The following STAB2 variants were observed in gnomAD, a reference collection of about 807,000 sequenced individuals.
The protein encoded by STAB2 is stabilin-2.
Under a neutral mutation model 338.1 loss-of-function variants are expected in STAB2, and 288 were observed. That is an observed-to-expected ratio of 0.85 (90% CI 0.77 to 0.94). The LOEUF is 0.94. STAB2 is among the 40% of genes least tolerant of loss of function. The pLI is 0.00. For missense variants in STAB2, 3,141 were observed against 3,210.1 expected, an observed-to-expected ratio of 0.98 and a Z score of 0.52; for synonymous variants, 1,202 against 1,193.3, an observed-to-expected ratio of 1.01 and a Z score of -0.15.
chr12:103,638,110 C>A lies in STAB2; in HGVS notation c.804C>A (p.Tyr268Ter). Reference sequence around the variant, plus strand: ...ACAGTTGTACATGCCAAGAAGGCTACCGTGGGGATGGCCAAGTGTGCTTGC... The same window carrying A: ...ACAGTTGTACATGCCAAGAAGGCTAACGTGGGGATGGCCAAGTGTGCTTGC... ...NRHSCTCQEG[Y>*]RGDGQVCLPV... The change falls in exon 8 of 69, where the codon TAC becomes TAA. Residue 268 changes from tyrosine to a stop codon, truncating the protein, a stop_gained. Transcript: ENST00000388887. LOFTEE classifies it high-confidence loss of function. 3 of 1,614,202 alleles carry A rather than the reference C, an allele frequency of 1.9e-6. No individual in the cohort carries two copies. The highest frequency in any genetic ancestry group is 2.5e-6 in the Non-Finnish European group (3 of 1,180,050).
intron 15 of STAB2, among the ~76,000 whole-genome samples, chr12:103,656,572 C>A (rs1874194164): frequency 6.6e-6 from 1 of 152,046 alleles, no homozygotes; most frequent in Non-Finnish European, 1.5e-5. Flanking sequence ...TTTGGGAATG[C>A]TGAAAGTTGT....
intron 8 of STAB2, among the ~76,000 whole-genome samples, chr12:103,638,968 A>G (rs1022896104): frequency 6.6e-6 from 1 of 152,226 alleles, no homozygotes; most frequent in African/African-American, 2.4e-5. Context: ...GCTGATGGGA[A>G]TATTCCTAGA....
At chr12:103,692,995 TG>T in intron 31 of STAB2, 106 bp downstream of exon 31, 1 of 818,136 alleles carries the variant, frequency 1.2e-6, no homozygotes, top group Non-Finnish European at 1.9e-6. Flanking sequence ...TAGCCTTATA[TG>T]GAAGTAACCG....
intron 3 of STAB2, among the ~76,000 whole-genome samples, chr12:103,615,058 G>C (rs1957187847): frequency 6.6e-6 from 1 of 152,198 alleles, no homozygotes; most frequent in African/African-American, 2.4e-5. Flanking sequence ...GGTATACCAA[G>C]AGGAAGGGGC....
chr12:103,750,096 A>AC lies in STAB2; in HGVS notation c.6439-483_6439-482insC, dbSNP rs569687774. 3.1e-3 allele frequency among the ~76,000 whole-genome samples: 468 copies of AC among 152,278 alleles called. 2 individuals carry two copies. Among genetic ancestry groups the AC allele is most frequent in the African/African-American group, 0.011 (445 of 41,556 alleles). ...CATCATAGAGTTGTTGTGGGGATTAAAGGAGATCATTCATTGATTCAACCA... is the reference window on the plus strand; with the variant it reads ...CATCATAGAGTTGTTGTGGGGATTAACAGGAGATCATTCATTGATTCAACCA... On this transcript the variant is annotated intron_variant, in intron 59 of 68. Coordinates refer to ENST00000388887, the MANE Select transcript of STAB2 (RefSeq NM_017564.10).
At position 103,734,363 on chromosome 12, in the gene STAB2, G is replaced by A. The variant is rs533672936; in HGVS notation, c.5461-1128G>A. ...CATGGGAGCATGCACAGTCTCATAG[G>A]AACAAGAGCGATCATATAGGAGCAA... On this transcript the variant is annotated intron_variant, in intron 51 of 68. Transcript: ENST00000388887. Among the ~76,000 whole-genome samples, 251 of 150,628 alleles carry A rather than the reference G, an allele frequency of 1.7e-3. 1 individual carries two copies. Among genetic ancestry groups the A allele is most frequent in the Middle Eastern group, 3.6e-3 (1 of 276 alleles).
chr12:103,762,037 C>T (rs536525519), intron 66 of STAB2, among the ~76,000 whole-genome samples: 1 of 152,198 alleles, frequency 6.6e-6, no homozygotes. Flanking sequence ...CTTCACCTCT[C>T]TGTGCCCCAG....
At chr12:103,653,801 C>T (rs929624338) in intron 12 of STAB2, among the ~76,000 whole-genome samples, 1 of 115,064 alleles carries the variant, frequency 8.7e-6, no homozygotes, top group Admixed American at 9.7e-5. Flanking sequence ...GGTCACTGAA[C>T]AGATGGATGG....
At position 103,654,624 on chromosome 12, in the gene STAB2, G is replaced by T; in HGVS notation, c.1477G>T (p.Ala493Ser). Residue 493 changes from alanine to serine, a missense_variant, in exon 13 of 69, where the codon GCT becomes TCT. Coordinates refer to ENST00000388887, the MANE Select transcript of STAB2 (RefSeq NM_017564.10). ...KVKIIQGDII[A>S]SNGLLHILDR... The stretch of plus-strand genomic sequence containing the variant: ...AAAAATTATACAAGGGGACATCATT[G>T]CTTCCAATGGGCTTCTGCACATCCT... 1 of 1,614,182 alleles carries T rather than the reference G, an allele frequency of 6.2e-7. No homozygotes were observed. The highest frequency in any genetic ancestry group is 1.3e-5 in the African/African-American group (1 of 75,066).
At chr12:103,648,957 G>T in intron 10 of STAB2, 134 bp downstream of exon 10, 1 of 1,273,924 alleles carries the variant, frequency 7.8e-7, no homozygotes. Context: ...GGTCATGCAG[G>T]TGAGAGGGAA....
chr12:103,715,972 G>A (rs1880280089), intron 43 of STAB2, 84 bp downstream of exon 43: 1 of 1,423,910 alleles, frequency 7.0e-7, no homozygotes, highest in Non-Finnish European at 9.8e-7. Context: ...GAAAGAGGCT[G>A]AGAACGGACC....
intron 48 of STAB2, among the ~76,000 whole-genome samples, chr12:103,729,844 A>G (rs1356127645): frequency 1.3e-5 from 2 of 152,252 alleles, no homozygotes; most frequent in Non-Finnish European, 2.9e-5. Flanking sequence ...AGAGAAGCCA[A>G]TTTTGAGCTG....
intron 3 of STAB2, among the ~76,000 whole-genome samples, chr12:103,612,862 T>G (rs532600375): frequency 6.6e-6 from 1 of 152,268 alleles, no homozygotes; most frequent in African/African-American, 2.4e-5. Flanking sequence ...CAGATGGGGT[T>G]TTGGTGTGGA....
intron 6 of STAB2, among the ~76,000 whole-genome samples, chr12:103,633,235 A>G (rs549906587): frequency 2.6e-5 from 4 of 152,252 alleles, no homozygotes; most frequent in Non-Finnish European, 5.9e-5. Flanking sequence ...GGAAAACCCT[A>G]ATAGATATGC....
chr12:103,680,954 C>T (rs1310915955), intron 25 of STAB2, among the ~76,000 whole-genome samples: 1 of 152,246 alleles, frequency 6.6e-6, no homozygotes, highest in Admixed American at 6.5e-5. Flanking sequence ...AAGAGATTAC[C>T]GTGGCCAGGG....
intron 55 of STAB2, among the ~76,000 whole-genome samples, chr12:103,741,127 A>G (rs771636686): frequency 6.6e-6 from 1 of 152,122 alleles, no homozygotes; most frequent in Non-Finnish European, 1.5e-5. Flanking sequence ...CAGGTGATGT[A>G]CTGACACAGT....
chr12:103,755,226 G>C (rs1205679720), intron 61 of STAB2, 76 bp from the exon 62 acceptor site: 2 of 1,563,398 alleles, frequency 1.3e-6, no homozygotes, highest in Admixed American at 1.7e-5. Flanking sequence ...CCTAATAGGG[G>C]AATCAGACAT....
intron 68 of STAB2, among the ~76,000 whole-genome samples, chr12:103,765,027 C>G (rs1275031781): frequency 7.8e-6 from 1 of 127,572 alleles, no homozygotes; most frequent in Non-Finnish European, 1.5e-5. Flanking sequence ...GCGGAGGTTG[C>G]AGTGAGCAGA....
intron 53 of STAB2, among the ~76,000 whole-genome samples, chr12:103,739,112 A>C (rs1028308819): frequency 6.6e-6 from 1 of 150,496 alleles, no homozygotes; most frequent in Non-Finnish European, 1.5e-5. Flanking sequence ...AGTCGCTGGG[A>C]CTACAGGTTC....
Sources: gnomAD v4.1 joint callset for allele counts (sites outside exome capture counted in the v4.1 genomes callset) on GRCh38, gnomAD v4.1.1 for gene constraint, MANE v1.5 for transcripts, NCBI Gene and HGNC (gene_info 2026-07-23, HGNC 2026-07-21) for gene names.